FANCA: variants seen among roughly 807,000 people sequenced by gnomAD.
FANCA encodes the protein Fanconi anemia group A protein.
Under a neutral mutation model 194.3 loss-of-function variants are expected in FANCA, and 236 were observed. The observed-to-expected ratio is 1.21, with a 90% CI of 1.09 to 1.35. FANCA has a LOEUF of 1.35. Among genes scored for constraint, FANCA ranks in the 40% most tolerant of loss-of-function variants. The probability of loss-of-function intolerance (pLI) is 0.00; values close to 1 mark genes in which losing one functional copy is unlikely to be tolerated. For synonymous variants in FANCA, 1,014 were observed against 715.8 expected, an observed-to-expected ratio of 1.42 and a Z score of -6.65; for missense variants, 2,628 against 1,813.9, an observed-to-expected ratio of 1.45 and a Z score of -8.15.
In FANCA at chr16:89,810,392, CA is replaced by C. The variant is rs1225982960; in HGVS notation, c.522+314del. ...TGTCTCTGGAAAAAAAAATTACATA[CA>C]TTTTTTTTTAATAGTTTACTATACT... On this transcript the variant is annotated intron_variant, in intron 5 of 42. Coordinates refer to ENST00000389301, the MANE Select transcript of FANCA (RefSeq NM_000135.4). Among the ~76,000 whole-genome samples, 6 of 145,768 alleles carry C rather than the reference CA, an allele frequency of 4.1e-5. No individual in the cohort carries two copies. The South Asian group carries it at 6.4e-4, about 16-fold the overall frequency.
intron 3 of FANCA, among the ~76,000 whole-genome samples, chr16:89,812,821 T>C: frequency 6.7e-6 from 1 of 150,278 alleles, no homozygotes; most frequent in East Asian, 2.0e-4. Flanking sequence ...GATCACGAGG[T>C]CAGGAGTTTG....
intron 12 of FANCA, 107 bp downstream of exon 12, chr16:89,792,364 T>C: frequency 1.6e-6 from 2 of 1,228,550 alleles, no homozygotes; most frequent in Non-Finnish European, 2.4e-6. Flanking sequence ...CAGACATCCC[T>C]GAACCTCTCG....
intron 24 of FANCA, 130 bp downstream of exon 24, chr16:89,770,434 T>C (rs2039284023): frequency 2.9e-6 from 3 of 1,040,854 alleles, no homozygotes; most frequent in South Asian, 1.4e-5. Context: ...TGCGTCCTAT[T>C]TGATGAAACT....
intron 29 of FANCA, among the ~76,000 whole-genome samples, chr16:89,761,151 G>A (rs2038936887): frequency 6.6e-6 from 1 of 152,218 alleles, no homozygotes; most frequent in Non-Finnish European, 1.5e-5. Flanking sequence ...CAGGCGCGGT[G>A]GCTCACGCCT....
chr16:89,738,750 G>C, intron 42 of FANCA, 42 bp from the exon 43 acceptor site: 1 of 1,612,842 alleles, frequency 6.2e-7, no homozygotes, highest in East Asian at 2.2e-5. Context: ...CCGCCCACTA[G>C]GCCTCAGACC....
At chr16:89,778,889 A>C (rs200195621) in intron 19 of FANCA, 39 bp from the exon 20 acceptor site, 4 of 1,607,888 alleles carry the variant, frequency 2.5e-6, no homozygotes, top group Admixed American at 1.7e-5. Context: ...ACTGACAAGG[A>C]AAGTCCTTGC....
intron 14 of FANCA, 177 bp downstream of exon 14, chr16:89,791,226 A>G: frequency 1.2e-6 from 1 of 812,214 alleles, no homozygotes; most frequent in Non-Finnish European, 2.0e-6. Flanking sequence ...AGGCCCCGAC[A>G]GGGAGAACCC....
At chr16:89,801,258 G>C (rs1202966395) in intron 8 of FANCA, among the ~76,000 whole-genome samples, 5 of 144,572 alleles carry the variant, frequency 3.5e-5, no homozygotes, top group Admixed American at 3.5e-4. Flanking sequence ...GCAGGAGAAT[G>C]GCGTGAACCC....
chr16:89,815,582 C>T (rs999833012), intron 2 of FANCA, among the ~76,000 whole-genome samples: 1 of 152,116 alleles, frequency 6.6e-6, no homozygotes, highest in Non-Finnish European at 1.5e-5. Flanking sequence ...TCTCGAACTC[C>T]TGACCCTGAG....
At chr16:89,741,205 T>TA (rs1479554275) in intron 37 of FANCA, among the ~76,000 whole-genome samples, 3 of 152,180 alleles carry the variant, frequency 2.0e-5, no homozygotes, top group Admixed American at 6.5e-5. Context: ...GAAGTGTTTG[T>TA]AAAATCCTTG....
intron 10 of FANCA, among the ~76,000 whole-genome samples, chr16:89,797,535 G>A (rs2040290841): frequency 6.6e-6 from 1 of 152,142 alleles, no homozygotes; most frequent in South Asian, 2.1e-4. Flanking sequence ...ACAGCCCCCA[G>A]TGTGCAAGGG....
rs1270062454 is a variant in FANCA at position 89,814,582 on chromosome 16, A to T, written c.221T>A (p.Leu74His). 1 of 1,613,966 alleles carries T rather than the reference A, an allele frequency of 6.2e-7. No individual in the cohort carries two copies. The highest frequency in any genetic ancestry group is 8.5e-7 in the Non-Finnish European group (1 of 1,179,834). ...ACTGTCACAGTCAATCACTTTGCTG[A>T]GAGACAATTTTTTACACAGTGGACC... ...VEGPLCKKLS[L>H]SKVIDCDSSE... Residue 74 changes from leucine to histidine, a missense_variant, in exon 3 of 43, where the codon CTC becomes CAC. By Grantham distance (99) the Leu-to-His change is moderately conservative. Transcript: ENST00000389301.
At chr16:89,744,187 G>A (rs1054278791) in intron 36 of FANCA, among the ~76,000 whole-genome samples, 15 of 152,176 alleles carry the variant, frequency 9.9e-5, no homozygotes, top group African/African-American at 2.9e-4. Context: ...GCGCCACCGC[G>A]CCGGGGCCCT....
chr16:89,757,482 C>G (rs959548782), intron 30 of FANCA, among the ~76,000 whole-genome samples: 1 of 152,152 alleles, frequency 6.6e-6, no homozygotes, highest in African/African-American at 2.4e-5. Context: ...GCCAAAGAAG[C>G]CAGACACAAA....
At chr16:89,768,799 G>A (rs1367998247) in intron 26 of FANCA, among the ~76,000 whole-genome samples, 1 of 152,146 alleles carries the variant, frequency 6.6e-6, no homozygotes, top group African/African-American at 2.4e-5. Context: ...TATATCCTGA[G>A]GCATCTCTGT....
chr16:89,761,246 C>T (rs1394015976), intron 29 of FANCA, among the ~76,000 whole-genome samples: 1 of 151,896 alleles, frequency 6.6e-6, no homozygotes, highest in African/African-American at 2.4e-5. Context: ...GGTGAAACCC[C>T]GTCTCTACCA....
chr16:89,772,756 T>C (rs1433222457), intron 22 of FANCA, among the ~76,000 whole-genome samples: 2 of 151,022 alleles, frequency 1.3e-5, no homozygotes, highest in East Asian at 3.9e-4. Flanking sequence ...GAGGCGGAGG[T>C]TGCAGTGAGC....
intron 30 of FANCA, among the ~76,000 whole-genome samples, chr16:89,757,037 G>C (rs975660215): frequency 6.6e-6 from 1 of 152,178 alleles, no homozygotes; most frequent in African/African-American, 2.4e-5. Context: ...GGAATGTAGT[G>C]GTGTTTTCAC....
At chr16:89,745,516 GACCAC>G (rs2038356620) in intron 35 of FANCA, among the ~76,000 whole-genome samples, 2 of 135,672 alleles carry the variant, frequency 1.5e-5, no homozygotes, top group Non-Finnish European at 1.5e-5. Flanking sequence ...ACAGTGAAGG[GACCAC>G]ACTGCCCTGA....
Sources: allele counts gnomAD v4.1 joint callset (sites outside exome capture counted in the v4.1 genomes callset), GRCh38; gene constraint gnomAD v4.1.1; transcripts MANE v1.5; gene names NCBI Gene and HGNC (gene_info 2026-07-23, HGNC 2026-07-21).